SMARCC1: variants seen among roughly 807,000 people sequenced by gnomAD.
SMARCC1 encodes SWI/SNF complex subunit SMARCC1.
A neutral mutation model predicts 147.4 loss-of-function variants in SMARCC1; 43 were observed. That is an observed-to-expected ratio of 0.29 (90% CI 0.23 to 0.38). The LOEUF (loss-of-function observed/expected upper bound fraction) is 0.38, where lower values mean the gene tolerates loss of function less well. Ranked by LOEUF, SMARCC1 falls within the 10% of genes least tolerant of loss-of-function variation. The pLI is 1.00. For missense variants in SMARCC1, 1,119 were observed against 1,381.1 expected, an observed-to-expected ratio of 0.81 and a Z score of 3.01; for synonymous variants, 495 against 484.4, an observed-to-expected ratio of 1.02 and a Z score of -0.29.
chr3:47,610,053 G>C lies in SMARCC1; in HGVS notation c.3043+13C>G. 2 of 1,611,452 alleles carry C rather than the reference G, an allele frequency of 1.2e-6. No homozygotes were observed. The highest frequency in any genetic ancestry group is 1.7e-6 in the Non-Finnish European group (2 of 1,179,718). On this transcript the variant is annotated intron_variant, in intron 26 of 27. Coordinates refer to ENST00000254480, the MANE Select transcript of SMARCC1 (RefSeq NM_003074.4). Reference sequence around the variant, plus strand: ...ACCATAAGCTTTTTCCAAGAGCAGGGCCTTCCTCTTACCTGGCTGGGGTGG... The same window carrying C: ...ACCATAAGCTTTTTCCAAGAGCAGGCCCTTCCTCTTACCTGGCTGGGGTGG...
chr3:47,701,543 G>A (rs1040899250), intron 10 of SMARCC1, 141 bp from the exon 11 acceptor site: 10 of 768,296 alleles, frequency 1.3e-5, no homozygotes, highest in Middle Eastern at 3.7e-4. Context: ...GGTCGGTCGC[G>A]GTGGTTCATG....
chr3:47,730,828 T>C (rs1322396391), intron 5 of SMARCC1, among the ~76,000 whole-genome samples: 1 of 150,106 alleles, frequency 6.7e-6, no homozygotes, highest in Non-Finnish European at 1.5e-5. Flanking sequence ...ATTGCGCCAT[T>C]GCACTCCAGC....
At chr3:47,757,014 G>A (rs2034706143) in intron 2 of SMARCC1, among the ~76,000 whole-genome samples, 2 of 152,084 alleles carry the variant, frequency 1.3e-5, no homozygotes, top group Non-Finnish European at 2.9e-5. Context: ...ACTTTGGGAC[G>A]CCGAGCTGGG....
intron 21 of SMARCC1, among the ~76,000 whole-genome samples, chr3:47,643,354 T>C (rs1056890386): frequency 6.6e-6 from 1 of 152,178 alleles, no homozygotes; most frequent in Non-Finnish European, 1.5e-5. Flanking sequence ...AGTACATGCA[T>C]GTGTAACACA....
chr3:47,646,944 A>T (rs1343212138), intron 21 of SMARCC1, among the ~76,000 whole-genome samples: 1 of 152,172 alleles, frequency 6.6e-6, no homozygotes, highest in East Asian at 1.9e-4. Context: ...ATTCTTTGTG[A>T]AGACTTCCCT....
At chr3:47,690,957 C>A (rs1231052130) in intron 12 of SMARCC1, among the ~76,000 whole-genome samples, 5 of 152,274 alleles carry the variant, frequency 3.3e-5, no homozygotes, top group African/African-American at 1.2e-4. Context: ...AACACTTGGT[C>A]CGTTGGACAA....
intron 10 of SMARCC1, 134 bp downstream of exon 10, chr3:47,706,275 T>A: frequency 1.3e-6 from 1 of 744,438 alleles, no homozygotes; most frequent in African/African-American, 1.8e-5. Context: ...TTTCACCATG[T>A]TGGCCAGGCT....
intron 5 of SMARCC1, among the ~76,000 whole-genome samples, chr3:47,729,499 C>T (rs1056851905): frequency 3.3e-5 from 5 of 152,168 alleles, no homozygotes; most frequent in Non-Finnish European, 7.3e-5. Context: ...GATTCTCCTG[C>T]CTCAGCCTCC....
intron 26 of SMARCC1, among the ~76,000 whole-genome samples, chr3:47,607,839 T>C (rs938646965): frequency 6.6e-5 from 10 of 152,126 alleles, no homozygotes; most frequent in South Asian, 2.1e-4. Context: ...GCCCAGGAAT[T>C]TGGGTCCAGT....
chr3:47,627,768 T>A (rs1195216876), intron 24 of SMARCC1, among the ~76,000 whole-genome samples: 1 of 152,162 alleles, frequency 6.6e-6, no homozygotes, highest in Non-Finnish European at 1.5e-5. Context: ...TCATTCAGGA[T>A]GAAGTGCACC....
At chr3:47,693,328 T>G (rs2033812658) in intron 11 of SMARCC1, 28 bp from the exon 12 acceptor site, 1 of 1,334,514 alleles carries the variant, frequency 7.5e-7, no homozygotes, top group Non-Finnish European at 1.1e-6. Flanking sequence ...AGAGTTATGT[T>G]TATGTGGGAA....
intron 14 of SMARCC1, among the ~76,000 whole-genome samples, chr3:47,680,987 G>A (rs924434082): frequency 1.3e-5 from 2 of 152,168 alleles, no homozygotes; most frequent in Admixed American, 6.5e-5. Flanking sequence ...GTTAAGGAAA[G>A]CTTTCTCTTT....
At chr3:47,642,020 C>T (rs1044040514) in intron 21 of SMARCC1, among the ~76,000 whole-genome samples, 1 of 152,162 alleles carries the variant, frequency 6.6e-6, no homozygotes, top group Non-Finnish European at 1.5e-5. Flanking sequence ...GCGATCCAAT[C>T]GCTTCTGCCT....
intron 14 of SMARCC1, among the ~76,000 whole-genome samples, chr3:47,684,798 G>C (rs975088645): frequency 6.6e-6 from 1 of 152,090 alleles, no homozygotes; most frequent in East Asian, 1.9e-4. Context: ...TGTGTTCCAA[G>C]ACCCCCAATG....
chr3:47,720,794 T>A (rs1471161172), intron 6 of SMARCC1, 59 bp from the exon 7 acceptor site: 2 of 1,244,736 alleles, frequency 1.6e-6, no homozygotes, highest in Non-Finnish European at 2.3e-6. Context: ...GAAACTATGA[T>A]TTTTAGCCTT....
intron 5 of SMARCC1, 126 bp downstream of exon 5, chr3:47,735,908 A>G (rs1048716354): frequency 4.1e-6 from 2 of 487,070 alleles, no homozygotes; most frequent in African/African-American, 4.1e-5. Flanking sequence ...TCAAGAAAAA[A>G]ATTTCTTTTG....
intron 18 of SMARCC1, among the ~76,000 whole-genome samples, chr3:47,671,066 T>C (rs557004177): frequency 3.9e-4 from 58 of 149,028 alleles, no homozygotes; most frequent in Admixed American, 1.0e-3. Flanking sequence ...ATGCCTATAG[T>C]CCCAGCTGCT....
chr3:47,659,270 ATAAAT>A (rs2033306309), intron 21 of SMARCC1, among the ~76,000 whole-genome samples: 1 of 150,896 alleles, frequency 6.6e-6, no homozygotes, highest in African/African-American at 2.4e-5. Context: ...ATAAAAATAA[ATAAAT>A]AAAAAATAAA....
intron 6 of SMARCC1, 56 bp from the exon 7 acceptor site, chr3:47,720,791 T>C: frequency 7.8e-7 from 1 of 1,281,730 alleles, no homozygotes; most frequent in South Asian, 1.3e-5. Context: ...AAAGAAACTA[T>C]GATTTTTAGC....
Sources: allele counts gnomAD v4.1 joint callset (sites outside exome capture counted in the v4.1 genomes callset), GRCh38; gene constraint gnomAD v4.1.1; transcripts MANE v1.5; gene names NCBI Gene and HGNC (gene_info 2026-07-23, HGNC 2026-07-21).